The following ANKRD22 variants were observed in gnomAD, a reference collection of about 807,000 sequenced individuals.
ANKRD22 encodes ankyrin repeat domain-containing protein 22.
ANKRD22 carries 24 observed loss-of-function variants against 25.7 expected under a neutral mutation model. The ratio of observed to expected loss-of-function variants is 0.93; its 90% CI spans 0.68 to 1.31. ANKRD22 has a LOEUF of 1.31. Among genes scored for constraint, ANKRD22 ranks in the 50% most tolerant of loss-of-function variants. The probability of loss-of-function intolerance (pLI) is 0.00; values close to 1 mark genes in which losing one functional copy is unlikely to be tolerated. For missense variants in ANKRD22, 214 were observed against 227.1 expected (o/e 0.94, Z 0.37); for synonymous variants, 84 against 84.3 (o/e 1.00, Z 0.02).
chr10:88,837,033 C>G (rs531633416), intron 1 of ANKRD22, among the ~76,000 whole-genome samples: 6 of 152,070 alleles, frequency 3.9e-5, no homozygotes, highest in African/African-American at 1.4e-4. Flanking sequence ...AGTGAAAAAG[C>G]TGTTAGGGAA....
chr10:88,834,817 C>T (rs1843937931), intron 1 of ANKRD22, among the ~76,000 whole-genome samples: 2 of 152,060 alleles, frequency 1.3e-5, no homozygotes, highest in South Asian at 4.2e-4. Context: ...GTGTCTGGTG[C>T]CTATAATCCC....
At chr10:88,836,607 C>T (rs1843956163) in intron 1 of ANKRD22, among the ~76,000 whole-genome samples, 1 of 152,174 alleles carries the variant, frequency 6.6e-6, no homozygotes. Flanking sequence ...TCTTAAAAAT[C>T]AGCCTTCAAA....
At chr10:88,823,246 G>A in intron 5 of ANKRD22, 34 bp downstream of exon 5, 1 of 1,551,372 alleles carries the variant, frequency 6.4e-7, no homozygotes, top group Non-Finnish European at 8.9e-7. Flanking sequence ...GCTGCTGCTA[G>A]AGGAACCTCA....
At position 88,823,036 on chromosome 10, in the gene ANKRD22, T is replaced by C. The variant is rs781152213; in HGVS notation, c.499-18A>G. Reference sequence around the variant, plus strand: ...TCACCATGCTGAGGGGGGAAAAATATACAGTTATTTCCAATAGAGTGCCCA... The same window carrying C: ...TCACCATGCTGAGGGGGGAAAAATACACAGTTATTTCCAATAGAGTGCCCA... On this transcript the variant is annotated intron_variant, in intron 5 of 5. Coordinates refer to ENST00000371930, the MANE Select transcript of ANKRD22 (RefSeq NM_144590.3). 2.2e-5 allele frequency: 36 copies of C among 1,606,434 alleles called. No homozygotes were observed. Among genetic ancestry groups the C allele is most frequent in the Non-Finnish European group, 3.0e-5 (35 of 1,173,328 alleles).
intron 1 of ANKRD22, 75 bp from the exon 2 acceptor site, chr10:88,832,101 A>T: frequency 7.2e-7 from 1 of 1,381,346 alleles, no homozygotes; most frequent in South Asian, 1.4e-5. Flanking sequence ...AAAAGTCATA[A>T]CCCAATACAT....
At chr10:88,845,840 T>A (rs1341480798) in intron 1 of ANKRD22, among the ~76,000 whole-genome samples, 1 of 152,134 alleles carries the variant, frequency 6.6e-6, no homozygotes, top group South Asian at 2.1e-4. Context: ...GTCATATTAT[T>A]CCTCTCTTAA....
In ANKRD22 at chr10:88,836,098, A is replaced by C. The variant is rs112987995; in HGVS notation, c.22-4072T>G. ...CTTCAGATCTTCATCATTCTCACCAAGACTATTGCACACAATTCTTTCAAT... is the reference window on the plus strand; with the variant it reads ...CTTCAGATCTTCATCATTCTCACCACGACTATTGCACACAATTCTTTCAAT... On this transcript the variant is annotated intron_variant, in intron 1 of 5. Coordinates refer to ENST00000371930, the MANE Select transcript of ANKRD22 (RefSeq NM_144590.3). Among the ~76,000 whole-genome samples the C allele has an allele frequency of 2.5e-3, 374 of 152,298 alleles. 3 individuals are homozygous for C. The highest frequency in any genetic ancestry group is 8.5e-3 in the African/African-American group (355 of 41,556).
chr10:88,842,679 A>C (rs1589328094), intron 1 of ANKRD22, among the ~76,000 whole-genome samples: 1 of 152,316 alleles, frequency 6.6e-6, no homozygotes. Flanking sequence ...CAGAGTTAAC[A>C]AAATTACTAA....
In ANKRD22 at chr10:88,822,734, C is replaced by T; in HGVS notation, c.*207G>A. On this transcript the variant is annotated 3_prime_UTR_variant, in exon 6 of 6. Coordinates refer to ENST00000371930, the MANE Select transcript of ANKRD22 (RefSeq NM_144590.3). ...AGACTACAACAACTTTAGTGTTTCC[C>T]TTAGAAGGATTACGGCCATGGTGAA... is the stretch of plus-strand genomic sequence containing the variant. 1 of 520,558 alleles carries T rather than the reference C, an allele frequency of 1.9e-6. No individual in the cohort carries two copies. The highest frequency in any genetic ancestry group is 3.4e-6 in the Non-Finnish European group (1 of 291,420). The allele number at this position is 520,558 out of a possible 1,614,324, so 32.2% of individuals were successfully genotyped here. A position where few individuals can be genotyped will look rare whatever the true frequency, so the allele number is the denominator to read the frequency against.
At chr10:88,823,827 C>CAACAAAAA (rs1843826577) in intron 4 of ANKRD22, among the ~76,000 whole-genome samples, 1 of 103,804 alleles carries the variant, frequency 9.6e-6, no homozygotes, top group African/African-American at 4.3e-5. Flanking sequence ...GACTCCGTCT[C>CAACAAAAA]AAAAAAAAAA....
At chr10:88,831,531 A>G (rs1051346307) in intron 2 of ANKRD22, among the ~76,000 whole-genome samples, 1 of 152,212 alleles carries the variant, frequency 6.6e-6, no homozygotes, top group African/African-American at 2.4e-5. Flanking sequence ...GGAGAGGAAG[A>G]AAGAGGAGGA....
In ANKRD22 at chr10:88,851,809, C is replaced by A; in HGVS notation, c.-202G>T. The A allele has an allele frequency of 1.7e-6, 1 of 587,230 alleles. No homozygotes were observed. The highest frequency in any genetic ancestry group is 3.1e-6 in the Non-Finnish European group (1 of 326,630). The allele number at this position is 587,230 out of a possible 1,614,324, so 36.4% of individuals were successfully genotyped here. A position where few individuals can be genotyped will look rare whatever the true frequency, so the allele number is the denominator to read the frequency against. ...GGCAGCAGCACACCTTCCAGAGAGC[C>A]CAGCCCAATGAAACAAAGGCACTGG... On this transcript the variant is annotated 5_prime_UTR_variant, in exon 1 of 6. Transcript: ENST00000371930.
chr10:88,848,172 G>GTATATA (rs1395491199), intron 1 of ANKRD22, among the ~76,000 whole-genome samples: 35 of 130,256 alleles, frequency 2.7e-4, no homozygotes, highest in Middle Eastern at 3.9e-3. Context: ...ATGTATATAT[G>GTATATA]TGTATATATA....
intron 4 of ANKRD22, 141 bp from the exon 5 acceptor site, chr10:88,823,519 A>T: frequency 4.4e-6 from 3 of 684,878 alleles, no homozygotes; most frequent in Non-Finnish European, 7.5e-6. Context: ...TTGATAGACA[A>T]CTATTTCTAG....
chr10:88,842,491 T>G (rs117128405), intron 1 of ANKRD22, among the ~76,000 whole-genome samples: 1 of 152,236 alleles, frequency 6.6e-6, no homozygotes, highest in Non-Finnish European at 1.5e-5. Context: ...CTATAGTCCT[T>G]GATTATTTTC....
In ANKRD22 at chr10:88,848,536, G is replaced by A. The variant is rs186973564; in HGVS notation, c.21+3051C>T. Among the ~76,000 whole-genome samples the A allele has an allele frequency of 5.9e-5, 9 of 152,220 alleles. No homozygotes were observed. The East Asian group carries it at 1.5e-3, about 26-fold the overall frequency. Reference sequence around the variant, plus strand: ...GAGTTCATACATAAACAAGGTAGATGGAGAGAGCTGGGAAGATTGTGAGAA... The same window carrying A: ...GAGTTCATACATAAACAAGGTAGATAGAGAGAGCTGGGAAGATTGTGAGAA... On this transcript the variant is annotated intron_variant, in intron 1 of 5. Coordinates refer to ENST00000371930, the MANE Select transcript of ANKRD22 (RefSeq NM_144590.3).
intron 1 of ANKRD22, among the ~76,000 whole-genome samples, chr10:88,846,196 A>G (rs997890396): frequency 2.0e-5 from 3 of 151,686 alleles, no homozygotes; most frequent in African/African-American, 4.8e-5. Flanking sequence ...CACTTTATTT[A>G]TAATACTTAC....
chr10:88,830,473 A>C (rs1193186121), intron 2 of ANKRD22, among the ~76,000 whole-genome samples: 1 of 152,218 alleles, frequency 6.6e-6, no homozygotes, highest in Non-Finnish European at 1.5e-5. Flanking sequence ...GAAATAATTT[A>C]TAAACAGATT....
At chr10:88,828,503 T>C (rs1425720960) in intron 3 of ANKRD22, 56 bp downstream of exon 3, 9 of 1,295,124 alleles carry the variant, frequency 6.9e-6, no homozygotes, top group Admixed American at 3.9e-5. Context: ...CAAGAGTCAA[T>C]GAGTCACACC....
Sources: allele counts gnomAD v4.1 joint callset (sites outside exome capture counted in the v4.1 genomes callset), GRCh38; gene constraint gnomAD v4.1.1; transcripts MANE v1.5; gene names NCBI Gene and HGNC (gene_info 2026-07-23, HGNC 2026-07-21).